The following EXOSC7 variants were observed in gnomAD, a reference collection of about 807,000 sequenced individuals.
EXOSC7 encodes the protein exosome complex component RRP42.
A neutral mutation model predicts 34.3 loss-of-function variants in EXOSC7; 25 were observed. That is an observed-to-expected ratio of 0.73 (90% CI 0.53 to 1.02). EXOSC7 has a LOEUF of 1.02. Ranked by LOEUF, EXOSC7 falls within the 50% of genes least tolerant of loss-of-function variation. The pLI is 0.00. For synonymous variants in EXOSC7, 130 were observed against 143.0 expected (o/e 0.91, Z 0.65); for missense variants, 370 against 368.5 (o/e 1.00, Z -0.03).
intron 5 of EXOSC7, chr3:45,002,150 AG>A (rs911988534): frequency 1.7e-4 from 26 of 152,510 alleles, no homozygotes; most frequent in African/African-American, 6.3e-4. Flanking sequence ...AGAAGGGACA[AG>A]TTGCTATGCT....
intron 7 of EXOSC7, 58 bp from the exon 8 acceptor site, chr3:45,011,177 G>T: frequency 1.0e-6 from 1 of 977,288 alleles, no homozygotes; most frequent in African/African-American, 1.7e-5. Flanking sequence ...TGCTTTTCTG[G>T]TCAGAGTGTG....
chr3:45,003,398 T>C (rs928346532), intron 5 of EXOSC7, among the ~76,000 whole-genome samples: 1 of 152,042 alleles, frequency 6.6e-6, no homozygotes, highest in African/African-American at 2.4e-5. Flanking sequence ...CTTGTTCAAA[T>C]AGGATATTAC....
At chr3:44,997,991 G>A (rs537266964) in intron 4 of EXOSC7, among the ~76,000 whole-genome samples, 7 of 151,366 alleles carry the variant, frequency 4.6e-5, no homozygotes, top group South Asian at 2.1e-4. Context: ...TTTGGCACTC[G>A]ACAGTAACTT....
intron 1 of EXOSC7, among the ~76,000 whole-genome samples, chr3:44,986,627 G>T (rs188940290): frequency 5.3e-5 from 8 of 152,252 alleles, no homozygotes; most frequent in African/African-American, 1.7e-4. Flanking sequence ...AGCAAGCGAG[G>T]GCTGTGAGGG....
At chr3:44,977,418 G>A (rs1205399287) in intron 1 of EXOSC7, 1 of 152,150 alleles carries the variant, frequency 6.6e-6, no homozygotes, top group Non-Finnish European at 1.5e-5. Context: ...GTCCCACAAC[G>A]TGAGTTAAGG....
chr3:44,982,941 G>A (rs140756556), intron 1 of EXOSC7, among the ~76,000 whole-genome samples: 7 of 152,226 alleles, frequency 4.6e-5, no homozygotes, highest in Non-Finnish European at 1.0e-4. Flanking sequence ...ACCAAATGTG[G>A]CCCCTTTCCT....
At chr3:45,003,357 GTGTGTA>G (rs57456279) in intron 5 of EXOSC7, among the ~76,000 whole-genome samples, 2,869 of 151,178 alleles carry the variant, frequency 0.019, 93 homozygotes, top group African/African-American at 0.065. Context: ...GTGCGTGTGT[GTGTGTA>G]TGTGTGTGTG....
At chr3:44,994,678 A>T (rs1706667087) in intron 3 of EXOSC7, among the ~76,000 whole-genome samples, 1 of 151,894 alleles carries the variant, frequency 6.6e-6, no homozygotes, top group Non-Finnish European at 1.5e-5. Flanking sequence ...TGGCTTTCTT[A>T]TGTTGCTTAA....
At chr3:44,991,677 G>A (rs956944685) in intron 3 of EXOSC7, among the ~76,000 whole-genome samples, 1 of 152,136 alleles carries the variant, frequency 6.6e-6, no homozygotes, top group Non-Finnish European at 1.5e-5. Context: ...CAGCTGTAAA[G>A]GATGAGTGAC....
chr3:44,976,452 T>A, intron 1 of EXOSC7, 118 bp downstream of exon 1: 1 of 896,564 alleles, frequency 1.1e-6, no homozygotes, highest in Non-Finnish European at 1.6e-6. Context: ...TCCGTTTACC[T>A]TGTGATTAAA....
chr3:44,989,059 T>C, intron 1 of EXOSC7, 81 bp from the exon 2 acceptor site: 1 of 916,410 alleles, frequency 1.1e-6, no homozygotes, highest in Non-Finnish European at 1.8e-6. Context: ...ATATATCTTC[T>C]CTAGGGGGAA....
At chr3:45,010,739 C>T (rs1252701644) in intron 7 of EXOSC7, among the ~76,000 whole-genome samples, 1 of 152,176 alleles carries the variant, frequency 6.6e-6, no homozygotes, top group African/African-American at 2.4e-5. Flanking sequence ...TGACTTTGGT[C>T]ACACCTGAGC....
At chr3:44,987,108 AG>A (rs1706443177) in intron 1 of EXOSC7, among the ~76,000 whole-genome samples, 1 of 151,282 alleles carries the variant, frequency 6.6e-6, no homozygotes, top group Non-Finnish European at 1.5e-5. Context: ...AAAAAAAAAA[AG>A]TAAGAGTATC....
chr3:45,006,475 G>C (rs1426378107), intron 6 of EXOSC7, among the ~76,000 whole-genome samples: 1 of 141,264 alleles, frequency 7.1e-6, no homozygotes, highest in South Asian at 2.4e-4. Flanking sequence ...GGACTGCAGT[G>C]GTGCAATCTC....
intron 3 of EXOSC7, among the ~76,000 whole-genome samples, chr3:44,993,822 TTCTC>T (rs1423146291): frequency 6.6e-6 from 1 of 152,216 alleles, no homozygotes; most frequent in African/African-American, 2.4e-5. Context: ...TGTGTTTTCT[TTCTC>T]TCTCTAACAG....
At chr3:45,002,904 G>T (rs567014105) in intron 5 of EXOSC7, among the ~76,000 whole-genome samples, 1 of 152,314 alleles carries the variant, frequency 6.6e-6, no homozygotes, top group South Asian at 2.1e-4. Context: ...AGTAGCTGGT[G>T]CTCGGGCCCT....
In EXOSC7 at chr3:44,991,917, G is replaced by T. The variant is rs568829529; in HGVS notation, c.254+2273G>T. On this transcript the variant is annotated intron_variant, in intron 3 of 7. Transcript: ENST00000265564. ...CACTTTACCTTCTTTAAGTGGCTCA[G>T]CTAATGTAATCAGCCGGGCAAGTAG... 3.3e-5 allele frequency among the ~76,000 whole-genome samples: 5 copies of T among 152,288 alleles called. No homozygotes were observed. In the East Asian group the frequency reaches 9.6e-4, roughly 29 times the overall value.
At chr3:45,008,164 C>G (rs1439268454) in intron 7 of EXOSC7, among the ~76,000 whole-genome samples, 2 of 152,260 alleles carry the variant, frequency 1.3e-5, no homozygotes, top group Admixed American at 1.3e-4. Context: ...TGTCACCTCA[C>G]TGGCCTGGAA....
intron 6 of EXOSC7, among the ~76,000 whole-genome samples, chr3:45,006,090 T>TG (rs1707030448): frequency 7.6e-6 from 1 of 131,568 alleles, no homozygotes. Flanking sequence ...TTTTTTTTTT[T>TG]TTTTTTTGAG....
Sources: allele counts gnomAD v4.1 joint callset (sites outside exome capture counted in the v4.1 genomes callset), GRCh38; gene constraint gnomAD v4.1.1; transcripts MANE v1.5; gene names NCBI Gene and HGNC (gene_info 2026-07-23, HGNC 2026-07-21).